The following HARS1 variants were observed in gnomAD, a reference collection of about 807,000 sequenced individuals.
HARS1 encodes histidyl-tRNA synthetase 1.
A neutral mutation model predicts 63.6 loss-of-function variants in HARS1; 45 were observed. That is an observed-to-expected ratio of 0.71 (90% CI 0.56 to 0.91). The LOEUF (loss-of-function observed/expected upper bound fraction) is 0.91. HARS1 is among the 40% of genes least tolerant of loss of function. The pLI, the probability that HARS1 is intolerant of heterozygous loss-of-function variation, is 0.00. For synonymous variants in HARS1, 205 were observed against 247.1 expected, an observed-to-expected ratio of 0.83 and a Z score of 1.60; for missense variants, 508 against 643.2, an observed-to-expected ratio of 0.79 and a Z score of 2.27.
rs577449753 is a variant in HARS1 at position 140,676,188 on chromosome 5, C to A, written c.1194+466G>T. Reference sequence around the variant, plus strand: ...ATTCAAATTCTGACCCTACCACTTACAAGTTTCATGGCCTTAAGCAAATTA... The same window carrying A: ...ATTCAAATTCTGACCCTACCACTTAAAAGTTTCATGGCCTTAAGCAAATTA... On this transcript the variant is annotated intron_variant, in intron 10 of 12. Transcript: ENST00000504156. The surrounding 1 kb of genome is among the most constrained non-coding windows in gnomAD (Gnocchi z 4.1). 5.9e-4 allele frequency: 93 copies of A among 156,332 alleles called. 2 individuals carry two copies. The South Asian group carries it at 0.018, about 30-fold the overall frequency. 9.7% of individuals were successfully genotyped at this position (156,332 alleles called of 1,614,324 possible).
At position 140,677,635 on chromosome 5, in the gene HARS1, T is replaced by C. The variant is rs755251398; in HGVS notation, c.729+20A>G. ...GCAGGGTGGGATCTGGGAAAAGAAGTCAAGTACTTGGGTTGTTACCTTGTC... is the reference window on the plus strand; with the variant it reads ...GCAGGGTGGGATCTGGGAAAAGAAGCCAAGTACTTGGGTTGTTACCTTGTC... On this transcript the variant is annotated intron_variant, in intron 7 of 12. Transcript: ENST00000504156. 12 of 1,535,660 alleles carry C rather than the reference T, an allele frequency of 7.8e-6. No homozygotes were observed. The highest frequency in any genetic ancestry group is 9.0e-6 in the Non-Finnish European group (10 of 1,109,014).
intron 3 of HARS1, among the ~76,000 whole-genome samples, chr5:140,682,014 G>A (rs959220486): frequency 6.6e-6 from 1 of 152,196 alleles, no homozygotes; most frequent in Non-Finnish European, 1.5e-5. Flanking sequence ...ATAAGAGAGA[G>A]AACAGCTACT....
At chr5:140,677,517 G>T in intron 7 of HARS1, 97 bp from the exon 8 acceptor site, 1 of 1,095,990 alleles carries the variant, frequency 9.1e-7, no homozygotes, top group Non-Finnish European at 1.4e-6. Flanking sequence ...AGCAGTAGCT[G>T]CCCATGAGCC....
At chr5:140,685,324 G>A (rs1245935961) in intron 2 of HARS1, 1 of 152,096 alleles carries the variant, frequency 6.6e-6, no homozygotes, top group Non-Finnish European at 1.5e-5. Flanking sequence ...TTGTTTAATG[G>A]GTACAGAGTT....
In HARS1 at chr5:140,674,371, T is replaced by A. The variant is rs73271578; in HGVS notation, c.1459-43A>T. On this transcript the variant is annotated intron_variant, in intron 12 of 12. Transcript: ENST00000504156. The stretch of plus-strand genomic sequence containing the variant: ...AGAAGGTGGTATAAGCATCTTCCAT[T>A]CCACTGCTCCCCGAGTGCCTAGTTT... The A allele has an allele frequency of 6.2e-4, 821 of 1,313,860 alleles. 2 individuals are homozygous for A. In the African/African-American group the frequency reaches 0.011, roughly 17 times the overall value. The allele number at this position is 1,313,860 out of a possible 1,614,324, so 81.4% of individuals were successfully genotyped here.
At position 140,678,842 on chromosome 5, in the gene HARS1, TCAAAAAAACAAAAAACAAA is replaced by T. The variant is rs1403718561; in HGVS notation, c.522+141_522+159del. Reference sequence around the variant, plus strand: ...TTGGGCAACAGAGCGAGACTCCGTCTCAAAAAAACAAAAAACAAACAAAAAAACCACCATAGAAACCCTA... The same window carrying T: ...TTGGGCAACAGAGCGAGACTCCGTCTCAAAAAAACCACCATAGAAACCCTA... On this transcript the variant is annotated intron_variant, in intron 5 of 12. Transcript: ENST00000504156. The T allele has an allele frequency of 5.6e-6, 4 of 717,886 alleles. No individual in the cohort carries two copies. The Admixed American group carries it at 1.3e-4, about 23-fold the overall frequency. 44.5% of individuals were successfully genotyped at this position (717,886 alleles called of 1,614,324 possible).
intron 2 of HARS1, among the ~76,000 whole-genome samples, chr5:140,689,527 G>A (rs1759242776): frequency 6.6e-6 from 1 of 152,142 alleles, no homozygotes; most frequent in Non-Finnish European, 1.5e-5. Context: ...TCAAGCTCCT[G>A]GGCTCAAATG....
At position 140,676,750 on chromosome 5, in the gene HARS1, T is replaced by C; in HGVS notation, c.1098A>G (p.Leu366=). 1 of 1,614,222 alleles carries C rather than the reference T, an allele frequency of 6.2e-7. No homozygotes were observed. Among genetic ancestry groups the C allele is most frequent in the Middle Eastern group, 1.6e-4 (1 of 6,062 alleles). ...GCCCTTTGGGGTCGAACATGCCCACTAGCCCATCATAGCGTCCTCCAGCAG... is the reference window on the plus strand; with the variant it reads ...GCCCTTTGGGGTCGAACATGCCCACCAGCCCATCATAGCGTCCTCCAGCAG... ...SVAAGGRYDG[L]VGMFDPKGRK... The change falls in exon 10 of 13, where the codon CTA becomes CTG. Residue 366 remains leucine, a synonymous_variant. Coordinates refer to ENST00000504156, the MANE Select transcript of HARS1 (RefSeq NM_002109.6). The surrounding 1 kb of genome is among the most constrained non-coding windows in gnomAD (Gnocchi z 4.1).
rs1758462717 is a variant in HARS1 at position 140,677,655 on chromosome 5, C to T, written c.729G>A (p.Lys243=). 6.3e-7 allele frequency: 1 copy of T among 1,599,384 alleles called. No homozygotes were observed. Among genetic ancestry groups the T allele is most frequent in the Non-Finnish European group, 8.6e-7 (1 of 1,167,296 alleles). ...AGAAGTCAAGTACTTGGGTTGTTAC[C>T]TTGTCCAGCTTGTCTACTGAGGAGC... ...TICSSVDKLD[K]VSWEEVKNEM... The change falls in exon 7 of 13, where the codon AAG becomes AAA. Residue 243 remains lysine, a splice_region_variant and synonymous_variant. Coordinates refer to ENST00000504156, the MANE Select transcript of HARS1 (RefSeq NM_002109.6).
At chr5:140,682,477 A>G (rs1476518270) in intron 3 of HARS1, among the ~76,000 whole-genome samples, 10 of 152,162 alleles carry the variant, frequency 6.6e-5, no homozygotes, top group Non-Finnish European at 1.3e-4. Flanking sequence ...AAACCTGAGT[A>G]AAGAGTTTGG....
chr5:140,686,080 C>T (rs562432867), intron 2 of HARS1, among the ~76,000 whole-genome samples: 63 of 150,292 alleles, frequency 4.2e-4, no homozygotes, highest in African/African-American at 1.0e-3. Context: ...CATACAGGCG[C>T]GTGCCACCAC....
In HARS1 at chr5:140,675,150, T is replaced by C; in HGVS notation, c.1195-17A>G. 4 of 1,501,020 alleles carry C rather than the reference T, an allele frequency of 2.7e-6. No individual in the cohort carries two copies. Among genetic ancestry groups the C allele is most frequent in the Non-Finnish European group, 3.7e-6 (4 of 1,077,336 alleles). The allele number at this position is 1,501,020 out of a possible 1,614,324, so 93.0% of individuals were successfully genotyped here. On this transcript the variant is annotated splice_polypyrimidine_tract_variant and intron_variant, in intron 10 of 12. Transcript: ENST00000504156. ...CTCCAAAGCCTGGGGAAGGGGCAGA[T>C]AAAAGAGAGCTGGGCTAACACCTTC...
intron 3 of HARS1, among the ~76,000 whole-genome samples, chr5:140,682,591 G>A (rs1015422890): frequency 2.0e-5 from 3 of 152,152 alleles, no homozygotes; most frequent in Non-Finnish European, 4.4e-5. Flanking sequence ...ACATTGCCCA[G>A]ACTGGAGTAT....
At chr5:140,682,966 C>T in intron 3 of HARS1, 134 bp downstream of exon 3, 1 of 755,298 alleles carries the variant, frequency 1.3e-6, no homozygotes, top group African/African-American at 1.7e-5. Flanking sequence ...TGTCCCCCTT[C>T]TTATTGGAGC....
intron 3 of HARS1, chr5:140,682,817 C>A: frequency 3.4e-6 from 1 of 293,456 alleles, no homozygotes; most frequent in Non-Finnish European, 6.3e-6. Flanking sequence ...ATCTAGAAAA[C>A]ATTCCAAGTA....
At chr5:140,678,945 G>C (rs544502943) in intron 5 of HARS1, 57 bp downstream of exon 5, 1 of 1,583,642 alleles carries the variant, frequency 6.3e-7, no homozygotes, top group East Asian at 2.2e-5. Flanking sequence ...AATAGATTCT[G>C]CTGGCTTGAG....
In HARS1 at chr5:140,679,485, C is replaced by T; in HGVS notation, c.396+303G>A. ...GCTTGGAGACAAGGGAAATGTGTTG[C>T]TAGTCCATTAAGAAGAATTTTGTTC... is the stretch of plus-strand genomic sequence containing the variant. On this transcript the variant is annotated intron_variant, in intron 4 of 12. Coordinates refer to ENST00000504156, the MANE Select transcript of HARS1 (RefSeq NM_002109.6). The surrounding 1 kb of genome is among the most constrained non-coding windows in gnomAD (Gnocchi z 4.3). The T allele has an allele frequency of 4.9e-6, 2 of 408,394 alleles. No individual in the cohort carries two copies. Among genetic ancestry groups the T allele is most frequent in the Non-Finnish European group, 8.7e-6 (2 of 230,238 alleles). The allele number at this position is 408,394 out of a possible 1,614,324, so 25.3% of individuals were successfully genotyped here. A position where few individuals can be genotyped will look rare whatever the true frequency, so the allele number is the denominator to read the frequency against.
At chr5:140,680,642 G>A (rs1352107971) in intron 3 of HARS1, among the ~76,000 whole-genome samples, 6 of 151,838 alleles carry the variant, frequency 4.0e-5, no homozygotes, top group East Asian at 3.9e-4. Flanking sequence ...TCAGGAGTTC[G>A]TGACCAGCCT....
chr5:140,682,088 A>G (rs1758761976), intron 3 of HARS1, among the ~76,000 whole-genome samples: 1 of 152,128 alleles, frequency 6.6e-6, no homozygotes, highest in African/African-American at 2.4e-5. Context: ...CTGAAATTAA[A>G]ATCTGGCTGG....
Sources: allele counts gnomAD v4.1 joint callset (sites outside exome capture counted in the v4.1 genomes callset), GRCh38; gene constraint gnomAD v4.1.1; non-coding constraint Gnocchi (gnomAD v3.1); transcripts MANE v1.5; gene names NCBI Gene and HGNC (gene_info 2026-07-23, HGNC 2026-07-21).